The following LRRC37A3 variants were observed in gnomAD, a reference collection of about 807,000 sequenced individuals.
LRRC37A3 encodes leucine-rich repeat-containing protein 37A3.
Under a neutral mutation model 106.2 loss-of-function variants are expected in LRRC37A3, and 25 were observed. The ratio of observed to expected loss-of-function variants is 0.24; its 90% confidence interval spans 0.17 to 0.33. The LOEUF (loss-of-function observed/expected upper bound fraction) is 0.33. LRRC37A3 is among the 10% of genes least tolerant of loss of function. LRRC37A3 has a pLI of 1.00. For missense variants in LRRC37A3, 712 were observed against 1,644.9 expected (o/e 0.43, Z 9.81); for synonymous variants, 305 against 635.8 (o/e 0.48, Z 7.83).
chr17:64,867,948 C>G (rs547111874), intron 10 of LRRC37A3, among the ~76,000 whole-genome samples: 59 of 152,270 alleles, frequency 3.9e-4, no homozygotes, highest in Non-Finnish European at 4.7e-4. Flanking sequence ...GTGGCATGTG[C>G]CTGTAATCCC....
At position 64,862,927 on chromosome 17, in the gene LRRC37A3, C is replaced by T. The variant is rs145450424; in HGVS notation, c.3145G>A (p.Ala1049Thr). The change falls in exon 11 of 15, where the codon GCA (alanine) becomes ACA (threonine). Residue 1049 changes from alanine to threonine, a missense_variant. Physicochemically the swap from Ala to Thr is moderately conservative, Grantham distance 58 (BLOSUM62 0). Transcript: ENST00000584306. ...CKTVKLHCNS[A>T]CLTNTTHCPE... ...CAATGTGTGGTGTTTGTCAGACATGCACTGTTGCAATGCAGCTTGACTGTC... is the reference window on the plus strand; with the variant it reads ...CAATGTGTGGTGTTTGTCAGACATGTACTGTTGCAATGCAGCTTGACTGTC... The T allele has an allele frequency of 6.3e-7, 1 of 1,599,182 alleles. No homozygotes were observed. The highest frequency in any genetic ancestry group is 1.7e-5 in the Admixed American group (1 of 60,016).
intron 8 of LRRC37A3, among the ~76,000 whole-genome samples, chr17:64,872,123 C>A: frequency 8.5e-6 from 1 of 117,890 alleles, no homozygotes. Flanking sequence ...CAGAGTGAGA[C>A]TCTGTCTCAA....
rs748151632 is a variant in LRRC37A3 at position 64,860,489 on chromosome 17, T to C, written c.3657A>G (p.Thr1219=). 1.2e-6 allele frequency: 2 copies of C among 1,613,370 alleles called. No individual in the cohort carries two copies. The highest frequency in any genetic ancestry group is 2.2e-5 in the South Asian group (2 of 91,044). The change falls in exon 12 of 15, where the codon ACA becomes ACG. Residue 1219 remains threonine, a synonymous_variant. Coordinates refer to ENST00000584306, the MANE Select transcript of LRRC37A3 (RefSeq NM_199340.5). ...PAPRELKQPH[T]QQGPEKLAGN... Reference sequence around the variant, plus strand: ...CCGCTAACTTCTCAGGCCCCTGCTGTGTGTGAGGCTGTTTCAGCTCCCTTG... The same window carrying C: ...CCGCTAACTTCTCAGGCCCCTGCTGCGTGTGAGGCTGTTTCAGCTCCCTTG...
intron 10 of LRRC37A3, among the ~76,000 whole-genome samples, chr17:64,864,886 T>C (rs1419609766): frequency 6.6e-6 from 1 of 152,142 alleles, no homozygotes; most frequent in Admixed American, 6.6e-5. Context: ...ATTGGGGCCA[T>C]ATTAAGACTG....
intron 9 of LRRC37A3, 125 bp from the exon 10 acceptor site, chr17:64,868,661 G>A: frequency 7.3e-7 from 1 of 1,364,916 alleles, no homozygotes; most frequent in Non-Finnish European, 1.0e-6. Context: ...AGAATTCCAG[G>A]GAGCTCTTAT....
At chr17:64,863,200 A>C (rs1972934758) in intron 10 of LRRC37A3, 182 bp from the exon 11 acceptor site, 1 of 666,390 alleles carries the variant, frequency 1.5e-6, no homozygotes, top group Admixed American at 2.5e-5. Flanking sequence ...CTGAAGGGTA[A>C]GCATGGCAGT....
At chr17:64,899,538 A>T (rs1417665299) in intron 2 of LRRC37A3, among the ~76,000 whole-genome samples, 5 of 144,888 alleles carry the variant, frequency 3.5e-5, no homozygotes, top group Middle Eastern at 3.4e-3. Context: ...TTCATTTTGC[A>T]GCACATGATT....
At chr17:64,876,513 G>A (rs1309324193) in intron 8 of LRRC37A3, among the ~76,000 whole-genome samples, 2 of 152,140 alleles carry the variant, frequency 1.3e-5, no homozygotes, top group African/African-American at 4.8e-5. Context: ...ATTAAAATTA[G>A]AAATGAGAGG....
chr17:64,908,955 A>C (rs1974523983), intron 2 of LRRC37A3, among the ~76,000 whole-genome samples: 1 of 151,564 alleles, frequency 6.6e-6, no homozygotes, highest in Admixed American at 6.6e-5. Context: ...TTGTATTTTT[A>C]ATAGAGACGG....
At chr17:64,856,615 G>C (rs1278064163) in intron 13 of LRRC37A3, among the ~76,000 whole-genome samples, 1 of 150,176 alleles carries the variant, frequency 6.7e-6, no homozygotes, top group Non-Finnish European at 1.5e-5. Flanking sequence ...AGTTGAATCT[G>C]AAGATGTGGA....
At chr17:64,910,531 T>C (rs1338448086) in intron 2 of LRRC37A3, among the ~76,000 whole-genome samples, 1 of 152,032 alleles carries the variant, frequency 6.6e-6, no homozygotes, top group Non-Finnish European at 1.5e-5. Flanking sequence ...GAAACCACTG[T>C]AGATTTTTCA....
intron 10 of LRRC37A3, among the ~76,000 whole-genome samples, chr17:64,863,971 ATTT>A (rs1218172930): frequency 2.3e-5 from 3 of 129,030 alleles, no homozygotes; most frequent in Non-Finnish European, 3.3e-5. Context: ...TGCCCAGCTA[ATTT>A]TTTTTTTTTT....
intron 10 of LRRC37A3, among the ~76,000 whole-genome samples, chr17:64,867,133 G>GA (rs1412257275): frequency 4.0e-5 from 6 of 150,510 alleles, no homozygotes; most frequent in Non-Finnish European, 8.9e-5. Context: ...AGCCATTTAA[G>GA]AAAAAAATGC....
intron 10 of LRRC37A3, among the ~76,000 whole-genome samples, chr17:64,866,845 C>T (rs1409564342): frequency 3.4e-5 from 5 of 146,338 alleles, no homozygotes; most frequent in South Asian, 4.3e-4. Context: ...AGGCCAGGCA[C>T]GGTGTCCCAT....
intron 13 of LRRC37A3, among the ~76,000 whole-genome samples, chr17:64,858,554 G>T (rs145242784): frequency 9.8e-5 from 15 of 152,328 alleles, no homozygotes; most frequent in African/African-American, 3.6e-4. Flanking sequence ...AGTCTAGTGG[G>T]ATTAACTTGG....
chr17:64,890,522 A>C lies in LRRC37A3; in HGVS notation c.2682-770T>G, dbSNP rs564501801. On this transcript the variant is annotated intron_variant, in intron 5 of 14. Coordinates refer to ENST00000584306, the MANE Select transcript of LRRC37A3 (RefSeq NM_199340.5). ...TAACCACTATCCTGACCTTTGTAAT[A>C]ATTTTCTTGTTTTTAAAATGTAGTT... is the stretch of plus-strand genomic sequence containing the variant. Among the ~76,000 whole-genome samples, 536 of 114,202 alleles carry C rather than the reference A, an allele frequency of 4.7e-3. 40 individuals are homozygous for C. The highest frequency in any genetic ancestry group is 0.026 in the African/African-American group (504 of 19,662). 74.9% of individuals were successfully genotyped at this position (114,202 alleles called of 152,430 possible). A position where few individuals can be genotyped will look rare whatever the true frequency, so the allele number is the denominator to read the frequency against.
chr17:64,859,842 C>T lies in LRRC37A3; in HGVS notation c.4304G>A (p.Gly1435Glu), dbSNP rs1387150125. 4 of 1,612,134 alleles carry T rather than the reference C, an allele frequency of 2.5e-6. No individual in the cohort carries two copies. In the East Asian group the frequency reaches 8.9e-5, roughly 36 times the overall value. ...TGTCTCAGTTTGTTTAACAGTTGGC[C>T]CTAAGTTGAATGCAGTCCCAGCGGA... ...ADSAGTAFNL[G>E]PTVKQTETKW... Residue 1435 changes from glycine (G) to glutamate (E), a missense_variant, in exon 12 of 15, where the codon GGG becomes GAG. Coordinates refer to ENST00000584306, the MANE Select transcript of LRRC37A3 (RefSeq NM_199340.5).
intron 10 of LRRC37A3, among the ~76,000 whole-genome samples, chr17:64,868,093 A>T (rs2143433238): frequency 6.6e-6 from 1 of 152,096 alleles, no homozygotes; most frequent in South Asian, 2.1e-4. Flanking sequence ...AAAAAAAATT[A>T]GGCTTTGTGA....
At chr17:64,866,922 GC>G (rs1973135258) in intron 10 of LRRC37A3, among the ~76,000 whole-genome samples, 1 of 149,366 alleles carries the variant, frequency 6.7e-6, no homozygotes, top group African/African-American at 2.5e-5. Flanking sequence ...TCCAAGACCA[GC>G]CTGGGGAACA....
Sources: allele counts gnomAD v4.1 joint callset (sites outside exome capture counted in the v4.1 genomes callset), GRCh38; gene constraint gnomAD v4.1.1; transcripts MANE v1.5; gene names NCBI Gene and HGNC (gene_info 2026-07-23, HGNC 2026-07-21).